Variants in NEK9 observed in about 807,000 individuals in gnomAD.
The protein encoded by NEK9 is serine/threonine-protein kinase Nek9.
In NEK9, 75 loss-of-function variants were observed where a neutral mutation model predicts 123.4. The ratio of observed to expected loss-of-function variants is 0.61; its 90% CI spans 0.50 to 0.74. The LOEUF (loss-of-function observed/expected upper bound fraction) is 0.74. Among genes scored for constraint, NEK9 ranks in the 30% least tolerant of loss-of-function variants. The pLI is 0.00. For missense variants in NEK9, 952 were observed against 1,214.4 expected (o/e 0.78, Z 3.21); for synonymous variants, 438 against 458.7 (o/e 0.95, Z 0.58).
chr14:75,106,823 C>A lies in NEK9; in HGVS notation c.1328-121G>T, dbSNP rs537214001. 5.3e-5 allele frequency: 38 copies of A among 719,700 alleles called. No homozygotes were observed. In the South Asian group the frequency reaches 6.2e-4, roughly 12 times the overall value. The allele number at this position is 719,700 out of a possible 1,614,324, so 44.6% of individuals were successfully genotyped here. ...ATGATCTCACATGAATTGATTATATCCAAGAAATTAAAAGGACAGACTGTG... is the reference window on the plus strand; with the variant it reads ...ATGATCTCACATGAATTGATTATATACAAGAAATTAAAAGGACAGACTGTG... On this transcript the variant is annotated intron_variant, in intron 11 of 21. Coordinates refer to ENST00000238616, the MANE Select transcript of NEK9 (RefSeq NM_033116.6).
rs1555350504 is a variant in NEK9, at chr14:75,082,135, G to GTTTA, written c.*2425_*2428dup. The GTTTA allele has an allele frequency of 6.6e-6, 1 of 152,158 alleles. No homozygotes were observed. The highest frequency in any genetic ancestry group is 1.5e-5 in the Non-Finnish European group (1 of 68,026). 9.4% of individuals were successfully genotyped at this position (152,158 alleles called of 1,614,324 possible). On this transcript the variant is annotated 3_prime_UTR_variant, in exon 22 of 22. Transcript: ENST00000238616. ...CACAGTACTGATTAAGAGCTTAAAT[G>GTTTA]TTTATTTAAAACAGAAATGCCAAAC...
chr14:75,118,954 G>T lies in NEK9; in HGVS notation c.525-19C>A. On this transcript the variant is annotated intron_variant, in intron 4 of 21. Transcript: ENST00000238616. ...TATATCTCTGAAAAAAAAAGATGCTGCAAATTAAGTTCACACAGATAATTG... is the reference window on the plus strand; with the variant it reads ...TATATCTCTGAAAAAAAAAGATGCTTCAAATTAAGTTCACACAGATAATTG... The T allele has an allele frequency of 1.6e-6, 2 of 1,261,062 alleles. No homozygotes were observed. The highest frequency in any genetic ancestry group is 2.3e-6 in the Non-Finnish European group (2 of 864,350). 78.1% of individuals were successfully genotyped at this position (1,261,062 alleles called of 1,614,324 possible).
chr14:75,108,125 C>T (rs1894837577), intron 10 of NEK9, among the ~76,000 whole-genome samples: 1 of 141,994 alleles, frequency 7.0e-6, no homozygotes, highest in Non-Finnish European at 1.6e-5. Flanking sequence ...GACTTTTCAA[C>T]TTTTTTTTTT....
chr14:75,103,959 T>A lies in NEK9; in HGVS notation c.1614A>T (p.Gln538His). The A allele has an allele frequency of 6.2e-7, 1 of 1,614,150 alleles. No homozygotes were observed. The highest frequency in any genetic ancestry group is 8.5e-7 in the Non-Finnish European group (1 of 1,180,004). ...ACAGAAATGTCCCATCACAGCCACA[T>A]TGAACTGCAACAATAATCAAGGCCT... ...VPKALIIVAV[Q>H]CGCDGTFLLT... Residue 538 changes from glutamine to histidine, a missense_variant, in exon 14 of 22, where the codon CAA (glutamine) becomes CAT (histidine). Gln to His is a conservative substitution (Grantham distance 24). Around this residue, in one of 4 missense-constraint regions of NEK9, gnomAD observed 698 missense variants for 875.6 expected, o/e 0.80. Transcript: ENST00000238616.
chr14:75,083,113 A>T lies in NEK9; in HGVS notation c.*1451T>A, dbSNP rs926209564. On this transcript the variant is annotated 3_prime_UTR_variant, in exon 22 of 22. Transcript: ENST00000238616. ...TTGCACAAGACCTCCCACAATGTTGATAAGATTATCAAACATTTTGGTCTG... is the reference window on the plus strand; with the variant it reads ...TTGCACAAGACCTCCCACAATGTTGTTAAGATTATCAAACATTTTGGTCTG... The T allele has an allele frequency of 1.3e-5, 5 of 398,514 alleles. No homozygotes were observed. Among genetic ancestry groups the T allele is most frequent in the Non-Finnish European group, 2.2e-5 (5 of 226,068 alleles). The allele number at this position is 398,514 out of a possible 1,614,324, so 24.7% of individuals were successfully genotyped here.
chr14:75,087,496 A>C (rs1288380558), intron 20 of NEK9, among the ~76,000 whole-genome samples: 2 of 152,206 alleles, frequency 1.3e-5, no homozygotes, highest in African/African-American at 4.8e-5. Flanking sequence ...TTTGTGAAAA[A>C]TTTTAAAGCA....
At chr14:75,116,734 C>T (rs1895155072) in intron 6 of NEK9, 1 of 170,466 alleles carries the variant, frequency 5.9e-6, no homozygotes, top group Admixed American at 6.3e-5. Context: ...TTCAAGTGAT[C>T]ATTTCAACAG....
chr14:75,114,518 C>T (rs1895064834), intron 6 of NEK9, among the ~76,000 whole-genome samples: 1 of 152,122 alleles, frequency 6.6e-6, no homozygotes, highest in Non-Finnish European at 1.5e-5. Context: ...ACTGGCCATA[C>T]AATCTATAAC....
At position 75,083,338 on chromosome 14, in the gene NEK9, TTC is replaced by T. The variant is rs921380183; in HGVS notation, c.*1224_*1225del. ...AAGTTTTGTTCTTCTATGACACTAT[TTC>T]TCTTTGGTAAAGCTAGCTTGTTTCT... On this transcript the variant is annotated 3_prime_UTR_variant, in exon 22 of 22. Coordinates refer to ENST00000238616, the MANE Select transcript of NEK9 (RefSeq NM_033116.6). The T allele has an allele frequency of 1.4e-5, 5 of 360,190 alleles. No homozygotes were observed. Among genetic ancestry groups the T allele is most frequent in the Non-Finnish European group, 2.5e-5 (5 of 202,286 alleles). The allele number at this position is 360,190 out of a possible 1,614,324, so 22.3% of individuals were successfully genotyped here.
chr14:75,111,023 T>A lies in NEK9; in HGVS notation c.939-652A>T, dbSNP rs1032154984. Among the ~76,000 whole-genome samples, 6 of 152,242 alleles carry A rather than the reference T, an allele frequency of 3.9e-5. No homozygotes were observed. In the South Asian group the frequency reaches 8.3e-4, roughly 21 times the overall value. On this transcript the variant is annotated intron_variant, in intron 8 of 21. Coordinates refer to ENST00000238616, the MANE Select transcript of NEK9 (RefSeq NM_033116.6). ...CCTCACTTACTACAGTCTTAATCAT[T>A]TTACTATACTAATTTAACACAGATA...
chr14:75,103,740 A>C (rs1894668433), intron 14 of NEK9, 102 bp downstream of exon 14: 2 of 1,295,918 alleles, frequency 1.5e-6, no homozygotes, highest in African/African-American at 3.0e-5. Context: ...GACCATAACT[A>C]AAGTCAAATT....
chr14:75,112,278 C>T (rs1325437679), intron 8 of NEK9, among the ~76,000 whole-genome samples: 1 of 152,000 alleles, frequency 6.6e-6, no homozygotes, highest in Non-Finnish European at 1.5e-5. Flanking sequence ...CGTAGCAAGG[C>T]AAAAATAGTG....
intron 14 of NEK9, among the ~76,000 whole-genome samples, chr14:75,102,575 A>T (rs1042486509): frequency 1.3e-5 from 2 of 150,848 alleles, no homozygotes; most frequent in Non-Finnish European, 2.9e-5. Flanking sequence ...GATGGTCTTG[A>T]TCTCATGACC....
intron 11 of NEK9, among the ~76,000 whole-genome samples, chr14:75,106,978 A>G (rs1303760080): frequency 6.6e-6 from 1 of 152,146 alleles, no homozygotes. Context: ...TATATAGATA[A>G]AAAAATAAGT....
intron 18 of NEK9, chr14:75,091,808 C>A (rs971673980): frequency 3.3e-5 from 7 of 213,008 alleles, no homozygotes; most frequent in Non-Finnish European, 5.5e-5. Flanking sequence ...AAATCTAGCA[C>A]CCATGCTTAC....
rs1430632493 is a variant in NEK9 at position 75,110,309 on chromosome 14, C to T, written c.989+12G>A. On this transcript the variant is annotated intron_variant, in intron 9 of 21. Coordinates refer to ENST00000238616, the MANE Select transcript of NEK9 (RefSeq NM_033116.6). ...CGGATATATTAGTTTTTAAGAGTCT[C>T]TTGAACATTACCTTGGTCTCTTTGT... The T allele has an allele frequency of 3.1e-6, 5 of 1,606,090 alleles. No homozygotes were observed. Among genetic ancestry groups the T allele is most frequent in the Non-Finnish European group, 4.3e-6 (5 of 1,173,568 alleles).
rs754220346 is a variant in NEK9 at position 75,103,860 on chromosome 14, C to T, written c.1713G>A (p.Ser571=). 1.1e-5 allele frequency: 17 copies of T among 1,611,484 alleles called. 1 individual carries two copies. Among genetic ancestry groups the T allele is most frequent in the Admixed American group, 5.1e-5 (3 of 59,394 alleles). ...FNKLGLNQCM[S]GIINHEAYHE... ...CACTCACTTCATGGTTGATAATTCC[C>T]GACATGCACTGATTCAGACCCAGCT... The change falls in exon 14 of 22, where the codon TCG becomes TCA. Residue 571 remains serine, a synonymous_variant. Coordinates refer to ENST00000238616, the MANE Select transcript of NEK9 (RefSeq NM_033116.6).
chr14:75,084,669 T>C lies in NEK9; in HGVS notation c.2835A>G (p.Lys945=). 1.2e-6 allele frequency: 2 copies of C among 1,614,100 alleles called. No homozygotes were observed. Among genetic ancestry groups the C allele is most frequent in the South Asian group, 2.2e-5 (2 of 91,084 alleles). ...TCTCTTCCTTTGCTGTCTGAGTTCC[T>C]TTGGAATGCATCCCCACCTGTCCGG... is the stretch of plus-strand genomic sequence containing the variant. ...EGGQQVGMHS[K]GTQTAKEEME... Residue 945 remains lysine, a synonymous_variant, in exon 22 of 22, where the codon AAA becomes AAG. Coordinates refer to ENST00000238616, the MANE Select transcript of NEK9 (RefSeq NM_033116.6).
chr14:75,086,410 T>C (rs919320537), intron 21 of NEK9: 1 of 150,500 alleles, frequency 6.6e-6, no homozygotes, highest in African/African-American at 2.5e-5. Flanking sequence ...GAATTGACAA[T>C]ACTAGTATTA....
Sources: allele counts gnomAD v4.1 joint callset (sites outside exome capture counted in the v4.1 genomes callset), GRCh38; gene constraint gnomAD v4.1.1; regional missense constraint gnomAD v4.1.1; transcripts MANE v1.5; gene names NCBI Gene and HGNC (gene_info 2026-07-23, HGNC 2026-07-21).